ITM2B: variants seen among roughly 807,000 people sequenced by gnomAD.
ITM2B encodes the protein ABri/ADan amyloid peptide.
ITM2B carries 11 observed loss-of-function variants against 27.8 expected under a neutral mutation model. The ratio of observed to expected loss-of-function variants is 0.40; its 90% CI spans 0.25 to 0.66. The LOEUF (loss-of-function observed/expected upper bound fraction) is 0.66. Ranked by LOEUF, ITM2B falls within the 30% of genes least tolerant of loss-of-function variation. The pLI is 0.43. For missense variants in ITM2B, 296 were observed against 328.9 expected, an observed-to-expected ratio of 0.90 and a Z score of 0.77; for synonymous variants, 114 against 114.3, an observed-to-expected ratio of 1.00 and a Z score of 0.02.
At chr13:48,253,719 A>G in intron 1 of ITM2B, 89 bp from the exon 2 acceptor site, 1 of 1,321,054 alleles carries the variant, frequency 7.6e-7, no homozygotes, top group Admixed American at 1.7e-5. Context: ...TCATTTATTA[A>G]AATGATAATC....
Position 48,262,553 on chromosome 13 carries a change from G to A in ITM2B, c.*1329G>A, listed in dbSNP as rs1017092052. The A allele has an allele frequency of 6.6e-6, 1 of 152,118 alleles. No individual in the cohort carries two copies. The highest frequency in any genetic ancestry group is 1.5e-5 in the Non-Finnish European group (1 of 67,996). 9.4% of individuals were successfully genotyped at this position (152,118 alleles called of 1,614,324 possible). A position where few individuals can be genotyped will look rare whatever the true frequency, so the allele number is the denominator to read the frequency against. On this transcript the variant is annotated 3_prime_UTR_variant, in exon 6 of 6. Coordinates refer to ENST00000647800, the MANE Select transcript of ITM2B (RefSeq NM_021999.5). ...ATATGTTTCAATAAAATGAGAATTG[G>A]TTTTTCCTACTTTCCAGGCTCTAAA... is the stretch of plus-strand genomic sequence containing the variant.
At chr13:48,245,406 T>C (rs189304182) in intron 1 of ITM2B, among the ~76,000 whole-genome samples, 5 of 151,942 alleles carry the variant, frequency 3.3e-5, no homozygotes, top group African/African-American at 1.2e-4. Context: ...TTTTAAACTA[T>C]GTAGAAAAAA....
intron 5 of ITM2B, 72 bp downstream of exon 5, chr13:48,259,019 A>G (rs753299948): frequency 7.0e-6 from 8 of 1,147,838 alleles, no homozygotes; most frequent in Non-Finnish European, 8.9e-6. Context: ...GGTGAAGCCT[A>G]GTCATTGTTA....
At position 48,256,308 on chromosome 13, in the gene ITM2B, A is replaced by T. The variant is rs767959003; in HGVS notation, c.378A>T (p.Glu126Asp). The change falls in exon 3 of 6, where the codon GAA (glutamate) becomes GAT (aspartate). Residue 126 changes from glutamate (E) to aspartate (D), a missense_variant. Transcript: ENST00000647800. ...EENIKIFEEE[E>D]VEFISVPVPE... Reference sequence around the variant, plus strand: ...ATATTAAAATCTTTGAAGAAGAAGAAGTTGAATTTATCAGTGTGCCTGTCC... The same window carrying T: ...ATATTAAAATCTTTGAAGAAGAAGATGTTGAATTTATCAGTGTGCCTGTCC... 22 of 1,613,906 alleles carry T rather than the reference A, an allele frequency of 1.4e-5. No individual in the cohort carries two copies. Among genetic ancestry groups the T allele is most frequent in the Admixed American group, 1.7e-5 (1 of 60,004 alleles).
At chr13:48,245,591 G>T (rs115422068) in intron 1 of ITM2B, among the ~76,000 whole-genome samples, 59 of 150,866 alleles carry the variant, frequency 3.9e-4, no homozygotes, top group African/African-American at 1.4e-3. Context: ...CTAAAACTGT[G>T]CTAGTTTTAT....
intron 1 of ITM2B, among the ~76,000 whole-genome samples, chr13:48,250,994 G>A (rs1042255092): frequency 8.5e-5 from 13 of 152,224 alleles, no homozygotes; most frequent in Admixed American, 3.3e-4. Context: ...CTGTGGATAA[G>A]TGAAGTATTT....
intron 1 of ITM2B, among the ~76,000 whole-genome samples, chr13:48,236,168 T>G (rs1951667200): frequency 6.6e-6 from 1 of 152,224 alleles, no homozygotes; most frequent in South Asian, 2.1e-4. Flanking sequence ...CCCTTAATTG[T>G]TTTCACCTTC....
intron 1 of ITM2B, among the ~76,000 whole-genome samples, chr13:48,246,503 A>G (rs982868349): frequency 2.6e-5 from 4 of 152,228 alleles, no homozygotes; most frequent in African/African-American, 9.6e-5. Flanking sequence ...TCTTACATAT[A>G]CCAGATATAT....
chr13:48,246,001 A>G (rs1001213135), intron 1 of ITM2B, among the ~76,000 whole-genome samples: 1 of 152,044 alleles, frequency 6.6e-6, no homozygotes, highest in Admixed American at 6.6e-5. Flanking sequence ...GATGGTCTCA[A>G]TCTCCTGACC....
chr13:48,239,951 C>A (rs887194776), intron 1 of ITM2B, among the ~76,000 whole-genome samples: 19 of 152,058 alleles, frequency 1.2e-4, no homozygotes, highest in African/African-American at 4.1e-4. Flanking sequence ...TTGCCCAGTA[C>A]CCTCACTGAA....
intron 2 of ITM2B, among the ~76,000 whole-genome samples, chr13:48,254,459 G>T (rs1937731222): frequency 6.6e-6 from 1 of 152,172 alleles, no homozygotes; most frequent in Admixed American, 6.5e-5. Context: ...GATGAAAGTT[G>T]TTTATAACTT....
At chr13:48,256,729 CTGTTTT>C (rs1951791523) in intron 3 of ITM2B, among the ~76,000 whole-genome samples, 1 of 152,136 alleles carries the variant, frequency 6.6e-6, no homozygotes, top group Non-Finnish European at 1.5e-5. Flanking sequence ...TTTTGTTAAT[CTGTTTT>C]TAAGTTCTCA....
At chr13:48,261,112 TAAA>T (rs771516074) in intron 5 of ITM2B, 24 bp from the exon 6 acceptor site, 1 of 1,525,950 alleles carries the variant, frequency 6.6e-7, no homozygotes, top group Non-Finnish European at 9.1e-7. Flanking sequence ...ATCAAAATTT[TAAA>T]AAACTTTTTT....
chr13:48,254,043 T>A, intron 2 of ITM2B, 107 bp downstream of exon 2: 2 of 1,083,172 alleles, frequency 1.8e-6, no homozygotes, highest in South Asian at 1.3e-5. Context: ...ACTTTTTATC[T>A]GTGACCTTCA....
chr13:48,242,588 C>G (rs996655697), intron 1 of ITM2B, among the ~76,000 whole-genome samples: 1 of 152,020 alleles, frequency 6.6e-6, no homozygotes, highest in Non-Finnish European at 1.5e-5. Flanking sequence ...AAAAATCTTA[C>G]GTGTCTCAGA....
intron 1 of ITM2B, among the ~76,000 whole-genome samples, chr13:48,236,669 A>G (rs1425409556): frequency 6.6e-6 from 1 of 152,178 alleles, no homozygotes; most frequent in African/African-American, 2.4e-5. Flanking sequence ...GTCAAAGAGA[A>G]AGGAGATGGG....
chr13:48,255,230 AGTGTGTGT>A (rs57255200), intron 2 of ITM2B, among the ~76,000 whole-genome samples: 46,940 of 149,506 alleles, frequency 0.31, 7,720 homozygotes, highest in African/African-American at 0.43. Flanking sequence ...TAGTGTGTGT[AGTGTGTGT>A]GTGTGTGTGT....
In ITM2B at chr13:48,263,868, G is replaced by A. The variant is rs1951835866; in HGVS notation, c.*2644G>A. 1 of 152,140 alleles carries A rather than the reference G, an allele frequency of 6.6e-6. No individual in the cohort carries two copies. Among genetic ancestry groups the A allele is most frequent in the Non-Finnish European group, 1.5e-5 (1 of 68,080 alleles). 9.4% of individuals were successfully genotyped at this position (152,140 alleles called of 1,614,324 possible). On this transcript the variant is annotated 3_prime_UTR_variant, in exon 6 of 6. Transcript: ENST00000647800. Reference sequence around the variant, plus strand: ...CCCCATTTCCTAATACTGTCACCTTGGGGGTAAGGATTTCAACATGAATTC... The same window carrying A: ...CCCCATTTCCTAATACTGTCACCTTAGGGGTAAGGATTTCAACATGAATTC...
intron 1 of ITM2B, among the ~76,000 whole-genome samples, chr13:48,242,785 A>G (rs952451819): frequency 6.6e-6 from 1 of 151,428 alleles, no homozygotes; most frequent in African/African-American, 2.4e-5. Context: ...TTTTCTCCTT[A>G]TATCTTTTTT....
Sources: allele counts gnomAD v4.1 joint callset (sites outside exome capture counted in the v4.1 genomes callset), GRCh38; gene constraint gnomAD v4.1.1; transcripts MANE v1.5; gene names NCBI Gene and HGNC (gene_info 2026-07-23, HGNC 2026-07-21).